Variants in SHQ1 observed in about 807,000 individuals in gnomAD.
The protein encoded by SHQ1 is protein SHQ1 homolog.
A neutral mutation model predicts 53.8 loss-of-function variants in SHQ1; 49 were observed. That is an observed-to-expected ratio of 0.91 (90% confidence interval 0.72 to 1.16). The LOEUF (loss-of-function observed/expected upper bound fraction) is 1.16, where lower values mean the gene tolerates loss of function less well. Ranked by LOEUF, SHQ1 falls within the 50% of genes most tolerant of loss-of-function variation. The probability of loss-of-function intolerance (pLI) is 0.00; values close to 1 mark genes in which losing one functional copy is unlikely to be tolerated. For synonymous variants in SHQ1, 243 were observed against 251.0 expected (o/e 0.97, Z 0.30); for missense variants, 738 against 683.1 (o/e 1.08, Z -0.90).
At chr3:72,772,538 G>C (rs1705877953) in intron 10 of SHQ1, 1 of 662,194 alleles carries the variant, frequency 1.5e-6, no homozygotes, top group Admixed American at 1.9e-5. Flanking sequence ...CACAACCTAA[G>C]CTTTAGAGCA....
At chr3:72,798,006 C>T (rs1333159073) in intron 9 of SHQ1, among the ~76,000 whole-genome samples, 2 of 152,100 alleles carry the variant, frequency 1.3e-5, no homozygotes, top group Non-Finnish European at 2.9e-5. Context: ...GTCACATGGC[C>T]GGTGGCCAGA....
the SHQ1 span, among the ~76,000 whole-genome samples, chr3:72,729,943 C>G: frequency 1.3e-5 from 2 of 152,102 alleles, no homozygotes; most frequent in African/African-American, 2.4e-5. Flanking sequence ...CTCGGCCTCC[C>G]GAGTAGCTGG....
chr3:72,753,836 A>G (rs930307325), intron 10 of SHQ1, among the ~76,000 whole-genome samples: 2 of 152,328 alleles, frequency 1.3e-5, no homozygotes, highest in African/African-American at 4.8e-5. Context: ...ACAGTTGTAG[A>G]TAATGTCCAC....
chr3:72,785,161 T>C (rs1706188522), intron 10 of SHQ1, among the ~76,000 whole-genome samples: 2 of 152,204 alleles, frequency 1.3e-5, no homozygotes, highest in Admixed American at 1.3e-4. Flanking sequence ...GGCAGTGCCT[T>C]GCAGAAAGCA....
chr3:72,846,952 T>A (rs914468391), intron 1 of SHQ1, among the ~76,000 whole-genome samples: 4 of 152,208 alleles, frequency 2.6e-5, no homozygotes, highest in Admixed American at 6.5e-5. Context: ...AAATATCGCC[T>A]CCCCAGAAAG....
chr3:72,739,172 C>G, the SHQ1 span, among the ~76,000 whole-genome samples: 1 of 152,228 alleles, frequency 6.6e-6, no homozygotes, highest in African/African-American at 2.4e-5. Flanking sequence ...TGACTTTGCC[C>G]TTTGTTTTTA....
chr3:72,817,143 TCTACTCTAGA>T, intron 7 of SHQ1, 77 bp downstream of exon 7: 1 of 1,420,608 alleles, frequency 7.0e-7, no homozygotes, highest in Non-Finnish European at 9.5e-7. Context: ...CACCACCAGT[TCTACTCTAGA>T]CAAGAAAGAC....
chr3:72,782,290 G>A (rs1200960354), intron 10 of SHQ1, among the ~76,000 whole-genome samples: 1 of 152,096 alleles, frequency 6.6e-6, no homozygotes, highest in Admixed American at 6.5e-5. Flanking sequence ...TTCTCTCAAT[G>A]CTCTGCTAAT....
chr3:72,790,408 C>T (rs1706398418), intron 10 of SHQ1, among the ~76,000 whole-genome samples: 1 of 152,182 alleles, frequency 6.6e-6, no homozygotes, highest in Non-Finnish European at 1.5e-5. Context: ...CCTGGTATTT[C>T]AAACAAAACC....
intron 9 of SHQ1, among the ~76,000 whole-genome samples, chr3:72,801,682 T>C (rs918968133): frequency 1.3e-5 from 2 of 152,228 alleles, no homozygotes; most frequent in African/African-American, 4.8e-5. Flanking sequence ...TTCTGCTAAA[T>C]GGTCTGCACA....
chr3:72,783,499 A>G (rs531925949), intron 10 of SHQ1, among the ~76,000 whole-genome samples: 1 of 150,274 alleles, frequency 6.7e-6, no homozygotes, highest in South Asian at 2.1e-4. Context: ...TGCTTTGTTG[A>G]GACACGGTCT....
chr3:72,767,989 T>A (rs1270902150), intron 10 of SHQ1, among the ~76,000 whole-genome samples: 1 of 151,874 alleles, frequency 6.6e-6, no homozygotes, highest in Non-Finnish European at 1.5e-5. Flanking sequence ...GTCTGGGTGG[T>A]TTTTTTTCTT....
chr3:72,840,910 C>G, intron 4 of SHQ1, 135 bp downstream of exon 4: 1 of 966,104 alleles, frequency 1.0e-6, no homozygotes, highest in Non-Finnish European at 1.5e-6. Context: ...TGTACTTTAG[C>G]TGTGCTAAGT....
At chr3:72,751,531 C>T (rs28611117) in intron 10 of SHQ1, among the ~76,000 whole-genome samples, 10,091 of 91,210 alleles carry the variant, frequency 0.11, 1,631 homozygotes, top group African/African-American at 0.39. Flanking sequence ...TATATATATA[C>T]ATATACATAC....
chr3:72,807,290 A>T (rs1471776314), intron 9 of SHQ1, among the ~76,000 whole-genome samples: 1 of 152,158 alleles, frequency 6.6e-6, no homozygotes, highest in Non-Finnish European at 1.5e-5. Flanking sequence ...TTTTTCAAAA[A>T]CCCTGGTAGT....
At chr3:72,750,919 A>G (rs892566524) in intron 10 of SHQ1, 83 bp from the exon 11 acceptor site, 5 of 1,167,722 alleles carry the variant, frequency 4.3e-6, no homozygotes, top group Non-Finnish European at 5.8e-6. Flanking sequence ...CCAAAAAAAT[A>G]AAGTTGAATC....
downstream of SHQ1, chr3:72,749,262 C>T (rs187753597): frequency 4.6e-5 from 10 of 216,926 alleles, no homozygotes; most frequent in South Asian, 1.8e-4. Context: ...GGAAAGCATA[C>T]GTCCACATGA....
rs190251897 is a variant in SHQ1 at position 72,774,076 on chromosome 3, C to G, written c.1181+18840G>C. Among the ~76,000 whole-genome samples, 13 of 152,262 alleles carry G rather than the reference C, an allele frequency of 8.5e-5. No homozygotes were observed. In the East Asian group the frequency reaches 2.3e-3, roughly 27 times the overall value. On this transcript the variant is annotated intron_variant, in intron 10 of 10. Coordinates refer to ENST00000325599, the MANE Select transcript of SHQ1 (RefSeq NM_018130.3). ...AAAGCTGGGATAGCCATATTACTAT[C>G]AGACAAAATAGATGGTAAGGCAAAA... is the stretch of plus-strand genomic sequence containing the variant.
chr3:72,732,687 C>T, the SHQ1 span, among the ~76,000 whole-genome samples: 144 of 151,272 alleles, frequency 9.5e-4, no homozygotes, highest in African/African-American at 3.4e-3. Flanking sequence ...TGGAGCTCCT[C>T]CAAGCCCATA....
Sources: allele counts gnomAD v4.1 joint callset (sites outside exome capture counted in the v4.1 genomes callset), GRCh38; gene constraint gnomAD v4.1.1; transcripts MANE v1.5; gene names NCBI Gene and HGNC (gene_info 2026-07-23, HGNC 2026-07-21).